The following DARS2 variants were observed in gnomAD, a reference collection of about 807,000 sequenced individuals.
The protein encoded by DARS2 is aspartate--tRNA ligase, mitochondrial.
Under a neutral mutation model 83.0 loss-of-function variants are expected in DARS2, and 63 were observed. The ratio of observed to expected loss-of-function variants is 0.76; its 90% CI spans 0.62 to 0.94. The LOEUF (loss-of-function observed/expected upper bound fraction) is 0.94, where lower values mean the gene tolerates loss of function less well. DARS2 is among the 40% of genes least tolerant of loss of function. The pLI is 0.00. For synonymous variants in DARS2, 250 were observed against 269.3 expected, an observed-to-expected ratio of 0.93 and a Z score of 0.70; for missense variants, 675 against 774.4, an observed-to-expected ratio of 0.87 and a Z score of 1.52.
intron 12 of DARS2, among the ~76,000 whole-genome samples, chr1:173,849,861 CTTT>C (rs10558579): frequency 0.061 from 6,646 of 109,768 alleles, 432 homozygotes; most frequent in African/African-American, 0.21. Context: ...GTTGAAATGA[CTTT>C]TTTTTTTTTT....
At chr1:173,834,787 T>TG (rs1652941557) in intron 7 of DARS2, among the ~76,000 whole-genome samples, 1 of 136,032 alleles carries the variant, frequency 7.4e-6, no homozygotes, top group African/African-American at 2.9e-5. Flanking sequence ...TTTTTGTTTT[T>TG]TTTTTTTTTT....
rs1184642644 is a variant in DARS2 at position 173,847,423 on chromosome 1, A to G, written c.1191+2132A>G. ...GCTTTCAGTTGATGGGACTATTATT[A>G]CATTTTCTTCTTTCATTCTTCTCTC... On this transcript the variant is annotated intron_variant, in intron 12 of 16. Coordinates refer to ENST00000649689, the MANE Select transcript of DARS2 (RefSeq NM_018122.5). 2.6e-5 allele frequency among the ~76,000 whole-genome samples: 4 copies of G among 152,166 alleles called. No individual in the cohort carries two copies. In the East Asian group the frequency reaches 5.8e-4, roughly 22 times the overall value.
chr1:173,842,284 C>CTTTTTTTTTTTTTTTTTTTTTTTT lies in DARS2; in HGVS notation c.1128+1321_1128+1344dup, dbSNP rs1178547914. 3.1e-5 allele frequency among the ~76,000 whole-genome samples: 2 copies of CTTTTTTTTTTTTTTTTTTTTTTTT among 64,224 alleles called. 1 individual carries two copies. The highest frequency in any genetic ancestry group is 5.4e-5 in the Non-Finnish European group (2 of 36,804). The allele number at this position is 64,224 out of a possible 152,430, so 42.1% of individuals were successfully genotyped here. ...CTCAGGAACTCAGTCTCATTACTTT[C>CTTTTTTTTTTTTTTTTTTTTTTTT]TTTTTTTTTTTTTTTTTTTTTTTTT... On this transcript the variant is annotated intron_variant, in intron 11 of 16. Transcript: ENST00000649689.
intron 12 of DARS2, among the ~76,000 whole-genome samples, chr1:173,847,495 TAAGA>T (rs916867721): frequency 6.6e-6 from 1 of 152,158 alleles, no homozygotes; most frequent in African/African-American, 2.4e-5. Flanking sequence ...AACTTTTATA[TAAGA>T]AATGGGTATT....
At chr1:173,857,412 TTAA>T in intron 16 of DARS2, 103 bp from the exon 17 acceptor site, 2 of 1,166,374 alleles carry the variant, frequency 1.7e-6, no homozygotes. Flanking sequence ...CTACAGTTTG[TTAA>T]AGATTCTTAT....
intron 11 of DARS2, among the ~76,000 whole-genome samples, chr1:173,842,284 C>CTTTT (rs1178547914): frequency 0.019 from 1,243 of 64,232 alleles, 188 homozygotes; most frequent in Non-Finnish European, 0.025. Flanking sequence ...TCATTACTTT[C>CTTTT]TTTTTTTTTT....
intron 7 of DARS2, among the ~76,000 whole-genome samples, chr1:173,834,783 T>TTTTTTTTTTTG (rs1652940940): frequency 3.0e-5 from 1 of 33,846 alleles, no homozygotes; most frequent in Non-Finnish European, 6.1e-5. Flanking sequence ...TTTTTTTTTG[T>TTTTTTTTTTTG]TTTTTTTTTT....
chr1:173,828,452 G>T, intron 3 of DARS2, 53 bp downstream of exon 3: 2 of 1,506,002 alleles, frequency 1.3e-6, no homozygotes, highest in Non-Finnish European at 1.8e-6. Flanking sequence ...GCTATTGCTG[G>T]GGTAAGCTAA....
rs1348190707 is a variant in DARS2, at chr1:173,825,001, A to G, written c.-229A>G. On this transcript the variant is annotated 5_prime_UTR_variant, in exon 1 of 17. Coordinates refer to ENST00000649689, the MANE Select transcript of DARS2 (RefSeq NM_018122.5). ...CAGACTGATGCTTTAAGACTCAGGG[A>G]GAGGTCTTTCCCTTATCTCCACCCC... 2 of 463,472 alleles carry G rather than the reference A, an allele frequency of 4.3e-6. No homozygotes were observed. The highest frequency in any genetic ancestry group is 7.9e-6 in the Non-Finnish European group (2 of 253,146). 28.7% of individuals were successfully genotyped at this position (463,472 alleles called of 1,614,324 possible).
chr1:173,838,020 G>A (rs1017487467), intron 8 of DARS2, among the ~76,000 whole-genome samples, 170 bp from the exon 9 acceptor site: 5 of 152,162 alleles, frequency 3.3e-5, no homozygotes, highest in African/African-American at 4.8e-5. Context: ...TGATCTGCCC[G>A]CCTTGGCCTC....
intron 12 of DARS2, among the ~76,000 whole-genome samples, chr1:173,848,185 C>T (rs1369431424): frequency 1.3e-5 from 2 of 152,128 alleles, no homozygotes; most frequent in Non-Finnish European, 2.9e-5. Context: ...TTGAAGCCAC[C>T]CATCCTGGAT....
At chr1:173,843,395 C>G (rs1212342314) in intron 11 of DARS2, among the ~76,000 whole-genome samples, 2 of 152,144 alleles carry the variant, frequency 1.3e-5, no homozygotes, top group East Asian at 3.9e-4. Flanking sequence ...CACGTCTGTA[C>G]TAAAAATGTA....
chr1:173,839,605 C>T, intron 10 of DARS2, 59 bp downstream of exon 10: 1 of 1,521,224 alleles, frequency 6.6e-7, no homozygotes, highest in African/African-American at 1.4e-5. Context: ...TCTTTTTAAA[C>T]CACTTTGAAA....
chr1:173,856,181 C>T (rs1653855118), intron 15 of DARS2, among the ~76,000 whole-genome samples: 1 of 152,238 alleles, frequency 6.6e-6, no homozygotes, highest in Non-Finnish European at 1.5e-5. Context: ...CATTTCCAAA[C>T]ACACTTTCAA....
intron 15 of DARS2, 147 bp from the exon 16 acceptor site, chr1:173,856,519 C>T (rs1175792687): frequency 5.7e-6 from 4 of 695,666 alleles, no homozygotes; most frequent in African/African-American, 5.4e-5. Context: ...TTTCTTTACA[C>T]TTTTCCAATA....
rs577769071 is a variant in DARS2 at position 173,840,524 on chromosome 1, G to A, written c.1021-342G>A. On this transcript the variant is annotated intron_variant, in intron 10 of 16. Coordinates refer to ENST00000649689, the MANE Select transcript of DARS2 (RefSeq NM_018122.5). ...TGAGATAATAGGCATGAGCCTCTGC[G>A]CCGAGCCTGGAATCTTAATCTGGTT... Among the ~76,000 whole-genome samples, 72 of 152,272 alleles carry A rather than the reference G, an allele frequency of 4.7e-4. 1 individual carries two copies. In the South Asian group the frequency reaches 0.014, roughly 29 times the overall value.
intron 3 of DARS2, 44 bp from the exon 4 acceptor site, chr1:173,830,616 A>G (rs1335702736): frequency 6.8e-7 from 1 of 1,468,484 alleles, no homozygotes; most frequent in Non-Finnish European, 9.5e-7. Flanking sequence ...AGATTCCTGT[A>G]AGTTCATTTG....
At position 173,837,035 on chromosome 1, in the gene DARS2, C is replaced by A. The variant is rs149916824; in HGVS notation, c.759C>A (p.Gly253=). ...PQQFKQLLMV[G]GLDRYFQVAR... ...AGTTTAAGCAACTTCTGATGGTTGG[C>A]GGTTTAGACAGGTGAGCTTTTTTTA... is the stretch of plus-strand genomic sequence containing the variant. The change falls in exon 8 of 17, where the codon GGC becomes GGA. Residue 253 remains glycine, a synonymous_variant. Transcript: ENST00000649689. 1.1e-5 allele frequency: 18 copies of A among 1,613,144 alleles called. No homozygotes were observed. In the African/African-American group the frequency reaches 2.1e-4, roughly 19 times the overall value.
intron 3 of DARS2, among the ~76,000 whole-genome samples, chr1:173,829,569 A>T (rs1480337646): frequency 6.6e-6 from 1 of 151,994 alleles, no homozygotes; most frequent in Admixed American, 6.6e-5. Flanking sequence ...TGAGTACAGG[A>T]GTTTGAGACC....
Sources: gnomAD v4.1 joint callset for allele counts (sites outside exome capture counted in the v4.1 genomes callset) on GRCh38, gnomAD v4.1.1 for gene constraint, MANE v1.5 for transcripts, NCBI Gene and HGNC (gene_info 2026-07-23, HGNC 2026-07-21) for gene names.